Variants in IL1RAPL1 observed in about 807,000 individuals in gnomAD.
The protein encoded by IL1RAPL1 is interleukin 1 receptor accessory protein like 1.
A neutral mutation model predicts 48.4 loss-of-function variants in IL1RAPL1; 3 were observed. The ratio of observed to expected loss-of-function variants is 0.06; its 90% CI spans 0.03 to 0.16. The LOEUF (loss-of-function observed/expected upper bound fraction) is 0.16, where lower values mean the gene tolerates loss of function less well. Ranked by LOEUF, IL1RAPL1 falls within the 10% of genes least tolerant of loss-of-function variation. The pLI is 1.00. For missense variants in IL1RAPL1, 349 were observed against 530.6 expected (o/e 0.66, Z 3.36); for synonymous variants, 185 against 187.7 (o/e 0.99, Z 0.12).
intron 5 of IL1RAPL1, among the ~76,000 whole-genome samples, chrX:29,509,357 C>T (rs1033756911): frequency 8.9e-6 from 1 of 111,835 alleles, no homozygotes; most frequent in Admixed American, 9.5e-5. Context: ...TTAATCTGGT[C>T]TACAAATATT....
At chrX:29,802,874 CATATATGT>C (rs1249445400) in intron 6 of IL1RAPL1, among the ~76,000 whole-genome samples, 10 of 77,863 alleles carry the variant, frequency 1.3e-4, no homozygotes, top group African/African-American at 5.2e-4. Context: ...CATATGTATA[CATATATGT>C]ATATATGTAT....
chrX:29,569,828 G>A (rs746030929), intron 5 of IL1RAPL1, among the ~76,000 whole-genome samples: 41 of 112,037 alleles, frequency 3.7e-4, no homozygotes, highest in Non-Finnish European at 2.3e-4. Flanking sequence ...GAAAATATCA[G>A]ACTACTGATT....
intron 2 of IL1RAPL1, among the ~76,000 whole-genome samples, chrX:29,032,105 CTCA>C (rs1926631642): frequency 9.0e-6 from 1 of 111,566 alleles, no homozygotes; most frequent in Non-Finnish European, 1.9e-5. Flanking sequence ...TGTCTTCTCA[CTCA>C]TCATATCATG....
chrX:29,324,175 G>A (rs1381128401), intron 3 of IL1RAPL1, among the ~76,000 whole-genome samples: 2 of 110,767 alleles, frequency 1.8e-5, no homozygotes, highest in Non-Finnish European at 3.8e-5. Flanking sequence ...TGCTTTATAC[G>A]CTTGTGACTT....
intron 2 of IL1RAPL1, among the ~76,000 whole-genome samples, chrX:29,240,214 ATATATATATATTTTTTTTTTTTT>A (rs1931388378): frequency 7.8e-5 from 2 of 25,700 alleles, no homozygotes; most frequent in Admixed American, 1.0e-3. Flanking sequence ...ATATATATAT[ATATATATATATTTTTTTTTTTTT>A]TTTTTTTTTT....
At chrX:29,510,475 A>C (rs913650237) in intron 5 of IL1RAPL1, among the ~76,000 whole-genome samples, 3 of 112,513 alleles carry the variant, frequency 2.7e-5, no homozygotes, top group African/African-American at 9.7e-5. Flanking sequence ...TCATAATTTC[A>C]CTATTTTACT....
chrX:28,958,111 C>A (rs1924666112), intron 2 of IL1RAPL1, among the ~76,000 whole-genome samples: 2 of 111,177 alleles, frequency 1.8e-5, no homozygotes, highest in African/African-American at 6.5e-5. Flanking sequence ...CACATACATA[C>A]CATCTTTTTG....
intron 2 of IL1RAPL1, among the ~76,000 whole-genome samples, chrX:29,075,294 A>G (rs764040531): frequency 5.4e-5 from 6 of 111,850 alleles, no homozygotes; most frequent in African/African-American, 1.6e-4. Context: ...CCTCTTGGAA[A>G]TAGAAGTATA....
intron 1 of IL1RAPL1, among the ~76,000 whole-genome samples, chrX:28,754,110 C>T (rs1335773240): frequency 2.7e-5 from 3 of 111,391 alleles, no homozygotes; most frequent in Non-Finnish European, 5.7e-5. Context: ...TGTAACTTCT[C>T]CCGAGGTAGT....
At chrX:29,256,327 ATAT>A (rs1051621476) in intron 2 of IL1RAPL1, among the ~76,000 whole-genome samples, 1 of 111,565 alleles carries the variant, frequency 9.0e-6, no homozygotes, top group African/African-American at 3.3e-5. Context: ...CTAAAACCAC[ATAT>A]TATTAAATAA....
intron 6 of IL1RAPL1, among the ~76,000 whole-genome samples, chrX:29,889,145 T>G (rs964191675): frequency 2.7e-5 from 3 of 112,071 alleles, no homozygotes; most frequent in Non-Finnish European, 5.6e-5. Context: ...TAGGTTCATG[T>G]TTTTTTGTGT....
chrX:28,947,602 A>G (rs1924340784), intron 2 of IL1RAPL1, among the ~76,000 whole-genome samples: 1 of 111,128 alleles, frequency 9.0e-6, no homozygotes, highest in African/African-American at 3.3e-5. Flanking sequence ...TACCTAATGT[A>G]AATGATGAGT....
At chrX:29,106,567 A>G (rs1314166931) in intron 2 of IL1RAPL1, among the ~76,000 whole-genome samples, 1 of 111,996 alleles carries the variant, frequency 8.9e-6, no homozygotes, top group Non-Finnish European at 1.9e-5. Flanking sequence ...ATGTGATTCA[A>G]TGAAGATTCA....
In IL1RAPL1 at chrX:29,356,770, G is replaced by A. The variant is rs749173401; in HGVS notation, c.363-39488G>A. On this transcript the variant is annotated intron_variant, in intron 3 of 10. Coordinates refer to ENST00000378993, the MANE Select transcript of IL1RAPL1 (RefSeq NM_014271.4). ...TATAGATCCCTGTGAGAATTTCTCTGAGATATACATGTGGGAGTGGAATGG... is the reference window on the plus strand; with the variant it reads ...TATAGATCCCTGTGAGAATTTCTCTAAGATATACATGTGGGAGTGGAATGG... Among the ~76,000 whole-genome samples, 4 of 111,064 alleles carry A rather than the reference G, an allele frequency of 3.6e-5. No individual in the cohort carries two copies. In the South Asian group the frequency reaches 1.5e-3, roughly 42 times the overall value.
intron 1 of IL1RAPL1, among the ~76,000 whole-genome samples, chrX:28,673,611 A>C (rs1470819021): frequency 9.0e-6 from 1 of 111,320 alleles, no homozygotes; most frequent in Non-Finnish European, 1.9e-5. Flanking sequence ...TGTCCTCTGG[A>C]GTTAGAAAGA....
At chrX:28,690,660 G>A (rs1344224148) in intron 1 of IL1RAPL1, among the ~76,000 whole-genome samples, 2 of 111,394 alleles carry the variant, frequency 1.8e-5, no homozygotes, top group African/African-American at 6.5e-5. Flanking sequence ...AACTCAGCAT[G>A]TCAAGGTGGC....
At chrX:29,155,038 G>C (rs373496008) in intron 2 of IL1RAPL1, among the ~76,000 whole-genome samples, 2 of 100,282 alleles carry the variant, frequency 2.0e-5, no homozygotes, top group African/African-American at 7.4e-5. Context: ...ACAGAGTTTC[G>C]CTCTTGTTGC....
intron 1 of IL1RAPL1, among the ~76,000 whole-genome samples, chrX:28,755,633 C>A (rs1018671317): frequency 8.9e-6 from 1 of 112,053 alleles, no homozygotes; most frequent in Non-Finnish European, 1.9e-5. Context: ...AAATTTGATT[C>A]ATTTCATGTC....
intron 2 of IL1RAPL1, among the ~76,000 whole-genome samples, chrX:28,843,063 A>G (rs1921415548): frequency 9.0e-6 from 1 of 111,009 alleles, no homozygotes; most frequent in Non-Finnish European, 1.9e-5. Flanking sequence ...ATAAAGTTGA[A>G]ATAAAATTTC....
Sources: allele counts gnomAD v4.1 joint callset (sites outside exome capture counted in the v4.1 genomes callset), GRCh38; gene constraint gnomAD v4.1.1; transcripts MANE v1.5; gene names NCBI Gene and HGNC (gene_info 2026-07-23, HGNC 2026-07-21).